The following ANKRD6 variants were observed in gnomAD, a reference collection of about 807,000 sequenced individuals.
ANKRD6 encodes ankyrin repeat domain-containing protein 6.
In ANKRD6, 56 loss-of-function variants were observed where a neutral mutation model predicts 82.3. The ratio of observed to expected loss-of-function variants is 0.68; its 90% CI spans 0.55 to 0.85. The LOEUF (loss-of-function observed/expected upper bound fraction) is 0.85. Among genes scored for constraint, ANKRD6 ranks in the 40% least tolerant of loss-of-function variants. The pLI is 0.00. For missense variants in ANKRD6, 852 were observed against 907.6 expected (o/e 0.94, Z 0.79); for synonymous variants, 347 against 352.1 (o/e 0.99, Z 0.16).
chr6:89,613,396 C>T (rs1020934415), intron 6 of ANKRD6, among the ~76,000 whole-genome samples: 16 of 152,142 alleles, frequency 1.1e-4, no homozygotes, highest in Non-Finnish European at 1.8e-4. Context: ...GGGCTCATTT[C>T]CAAAGCAATG....
chr6:89,554,443 C>T (rs539205436), intron 1 of ANKRD6, among the ~76,000 whole-genome samples: 487 of 16,756 alleles, frequency 0.029, 9 homozygotes, highest in Admixed American at 0.2. Context: ...AACTTAATCA[C>T]GTCTTTTTTT....
intron 4 of ANKRD6, among the ~76,000 whole-genome samples, chr6:89,605,246 G>A (rs1191515119): frequency 6.6e-6 from 1 of 152,146 alleles, no homozygotes; most frequent in Non-Finnish European, 1.5e-5. Context: ...GCAAGGCATA[G>A]TGGTGCATGT....
chr6:89,581,921 C>T (rs1167516620), intron 2 of ANKRD6, among the ~76,000 whole-genome samples: 22 of 152,176 alleles, frequency 1.4e-4, no homozygotes, highest in Non-Finnish European at 1.5e-5. Context: ...CTGAAACAAA[C>T]AGGGCATTGA....
At position 89,613,820 on chromosome 6, in the gene ANKRD6, C is replaced by T. The variant is rs774393712; in HGVS notation, c.545C>T (p.Ala182Val). 2.7e-5 allele frequency: 43 copies of T among 1,613,916 alleles called. 1 individual carries two copies. The highest frequency in any genetic ancestry group is 3.1e-5 in the Non-Finnish European group (36 of 1,179,892). Residue 182 changes from alanine to valine, a missense_variant, in exon 7 of 16, where the codon GCG (alanine) becomes GTG (valine). Transcript: ENST00000339746. ...GGAGACACCTGTTTGCACGTTGCTG[C>T]GCGCTATAATCACTTGTCCATCATT... The part of the protein sequence containing the change: ...NAGDTCLHVA[A>V]RYNHLSIIRL...
intron 1 of ANKRD6, among the ~76,000 whole-genome samples, chr6:89,459,845 C>T (rs996863430): frequency 5.9e-5 from 9 of 151,950 alleles, no homozygotes; most frequent in Admixed American, 2.0e-4. Flanking sequence ...TATAAGGAGA[C>T]GTATCAGGCT....
chr6:89,491,874 A>G (rs1174588306), intron 1 of ANKRD6, among the ~76,000 whole-genome samples: 2 of 152,186 alleles, frequency 1.3e-5, no homozygotes, highest in African/African-American at 4.8e-5. Context: ...ATGAAGGGTC[A>G]CAGAGAAGAA....
chr6:89,618,498 G>C, intron 9 of ANKRD6: 1 of 309,974 alleles, frequency 3.2e-6, no homozygotes, highest in Non-Finnish European at 5.9e-6. Flanking sequence ...GTACAGTCTA[G>C]TTTTCTTTCC....
chr6:89,456,425 A>G (rs1210712275), intron 1 of ANKRD6, among the ~76,000 whole-genome samples: 2 of 152,140 alleles, frequency 1.3e-5, no homozygotes, highest in Non-Finnish European at 2.9e-5. Context: ...TGCTGGTGGA[A>G]TTGATTTCTC....
At chr6:89,572,913 T>C (rs1184654304) in intron 2 of ANKRD6, among the ~76,000 whole-genome samples, 1 of 152,224 alleles carries the variant, frequency 6.6e-6, no homozygotes, top group Non-Finnish European at 1.5e-5. Flanking sequence ...TTGATTACTG[T>C]AGCTTTTAAT....
At position 89,524,359 on chromosome 6, in the gene ANKRD6, C is replaced by T. The variant is rs555340983; in HGVS notation, c.-143-42475C>T. 3.9e-5 allele frequency among the ~76,000 whole-genome samples: 6 copies of T among 152,162 alleles called. No individual in the cohort carries two copies. The South Asian group carries it at 1.2e-3, about 32-fold the overall frequency. ...TATATTATTCTTATGTCTTCGTGTCCTTAGCTCCCACTTACAAGTGAGAAC... is the reference window on the plus strand; with the variant it reads ...TATATTATTCTTATGTCTTCGTGTCTTTAGCTCCCACTTACAAGTGAGAAC... On this transcript the variant is annotated intron_variant, in intron 1 of 15. Coordinates refer to ENST00000339746, the MANE Select transcript of ANKRD6 (RefSeq NM_001242809.2).
At chr6:89,585,245 A>G (rs2128126805) in intron 2 of ANKRD6, among the ~76,000 whole-genome samples, 1 of 152,314 alleles carries the variant, frequency 6.6e-6, no homozygotes, top group East Asian at 1.9e-4. Context: ...AAAAACCAAG[A>G]GCTAACATCA....
At chr6:89,616,375 G>T (rs891770106) in intron 7 of ANKRD6, 184 bp from the exon 8 acceptor site, 2 of 590,176 alleles carry the variant, frequency 3.4e-6, no homozygotes, top group Non-Finnish European at 6.0e-6. Flanking sequence ...TATTGGTGCC[G>T]AGGTCACTTA....
chr6:89,553,754 TCTC>T (rs766292847), intron 1 of ANKRD6, among the ~76,000 whole-genome samples: 5 of 152,092 alleles, frequency 3.3e-5, no homozygotes, highest in African/African-American at 4.8e-5. Flanking sequence ...AGGACCCACT[TCTC>T]CTGCTGACAT....
At chr6:89,449,445 A>G (rs956534016) in intron 1 of ANKRD6, among the ~76,000 whole-genome samples, 4 of 152,236 alleles carry the variant, frequency 2.6e-5, no homozygotes, top group Non-Finnish European at 4.4e-5. Flanking sequence ...AGTTGCAGAT[A>G]CCAGATGAAA....
intron 1 of ANKRD6, among the ~76,000 whole-genome samples, chr6:89,521,776 A>AT (rs1224374783): frequency 2.6e-5 from 4 of 151,966 alleles, no homozygotes; most frequent in African/African-American, 7.2e-5. Context: ...TATAAATAAT[A>AT]TTTTTTATTA....
chr6:89,595,310 G>C (rs2128151478), intron 2 of ANKRD6, among the ~76,000 whole-genome samples: 2 of 152,262 alleles, frequency 1.3e-5, no homozygotes, highest in East Asian at 3.9e-4. Context: ...CATTAGCCTG[G>C]GTGCCCATCA....
At chr6:89,468,557 C>A (rs1775097362) in intron 1 of ANKRD6, among the ~76,000 whole-genome samples, 1 of 134,712 alleles carries the variant, frequency 7.4e-6, no homozygotes, top group African/African-American at 2.8e-5. Context: ...TTGTCTTGGG[C>A]CACACATAAA....
At chr6:89,555,471 A>G (rs1786463638) in intron 1 of ANKRD6, among the ~76,000 whole-genome samples, 1 of 152,090 alleles carries the variant, frequency 6.6e-6, no homozygotes. Context: ...TCATTAAGAA[A>G]CTTGCTCAAA....
At chr6:89,446,208 T>C (rs6925346) in intron 1 of ANKRD6, among the ~76,000 whole-genome samples, 84,410 of 151,476 alleles carry the variant, frequency 0.56, 24,593 homozygotes, top group African/African-American at 0.73. Flanking sequence ...CAAAATTAAC[T>C]GGGCATGCTG....
Sources: gnomAD v4.1 joint callset for allele counts (sites outside exome capture counted in the v4.1 genomes callset) on GRCh38, gnomAD v4.1.1 for gene constraint, MANE v1.5 for transcripts, NCBI Gene and HGNC (gene_info 2026-07-23, HGNC 2026-07-21) for gene names.